DLGAP2: variants seen among roughly 807,000 people sequenced by gnomAD.
DLGAP2 encodes the protein DLG associated protein 2.
A neutral mutation model predicts 100.3 loss-of-function variants in DLGAP2; 26 were observed. That is an observed-to-expected ratio of 0.26 (90% CI 0.19 to 0.36). DLGAP2 has a LOEUF of 0.36. Ranked by LOEUF, DLGAP2 falls within the 10% of genes least tolerant of loss-of-function variation. The pLI, the probability that DLGAP2 is intolerant of heterozygous loss-of-function variation, is 1.00. For synonymous variants in DLGAP2, 886 were observed against 630.1 expected (o/e 1.41, Z -6.08); for missense variants, 1,858 against 1,453.2 (o/e 1.28, Z -4.53).
At chr8:895,458 GCCCGTCCCCCCTT>G (rs1441794354) in intron 1 of DLGAP2, among the ~76,000 whole-genome samples, 1 of 152,158 alleles carries the variant, frequency 6.6e-6, no homozygotes, top group Non-Finnish European at 1.5e-5. Flanking sequence ...TCTGGACGCT[GCCCGTCCCCCCTT>G]CTGAGACCAC....
chr8:1,082,112 T>G (rs1803830933), intron 2 of DLGAP2, among the ~76,000 whole-genome samples: 1 of 152,100 alleles, frequency 6.6e-6, no homozygotes, highest in South Asian at 2.1e-4. Context: ...TCTTCCTCTG[T>G]TTTGAGGCTG....
At chr8:1,298,898 C>CG (rs1800260024) in intron 3 of DLGAP2, among the ~76,000 whole-genome samples, 2 of 152,004 alleles carry the variant, frequency 1.3e-5, no homozygotes, top group African/African-American at 2.4e-5. Context: ...GAGGCAGGAA[C>CG]GGGGGGAGAA....
chr8:1,576,512 C>A (rs568622829), intron 6 of DLGAP2, among the ~76,000 whole-genome samples: 1 of 152,246 alleles, frequency 6.6e-6, no homozygotes, highest in South Asian at 2.1e-4. Context: ...GTTGCCATTG[C>A]TTTTGGTGTT....
Position 1,009,422 on chromosome 8 carries a change from G to T in DLGAP2, c.73+101456G>T, listed in dbSNP as rs535396770. 2.6e-5 allele frequency among the ~76,000 whole-genome samples: 4 copies of T among 152,264 alleles called. No individual in the cohort carries two copies. The South Asian group carries it at 8.3e-4, about 32-fold the overall frequency. On this transcript the variant is annotated intron_variant, in intron 2 of 14. Coordinates refer to ENST00000637795, the MANE Select transcript of DLGAP2 (RefSeq NM_001346810.2). The stretch of plus-strand genomic sequence containing the variant: ...TTTGGAAGGAGATTCTAAATATTGA[G>T]AATTAGATTGTTATTCAGAGTTAAT...
At chr8:1,680,834 G>C (rs371512944) in intron 12 of DLGAP2, 1 of 152,178 alleles carries the variant, frequency 6.6e-6, no homozygotes, top group South Asian at 2.1e-4. Context: ...TTAGCACAAA[G>C]ATAAAACACA....
At chr8:1,526,714 G>A (rs1487832716) in intron 4 of DLGAP2, among the ~76,000 whole-genome samples, 1 of 152,186 alleles carries the variant, frequency 6.6e-6, no homozygotes, top group African/African-American at 2.4e-5. Flanking sequence ...CAGGTATCCA[G>A]CCACTAACTC....
intron 3 of DLGAP2, among the ~76,000 whole-genome samples, chr8:1,490,161 A>T (rs1251420968): frequency 2.0e-5 from 3 of 152,156 alleles, no homozygotes; most frequent in Admixed American, 1.3e-4. Context: ...AAGTGCTGAG[A>T]TTACAGGCAT....
In DLGAP2 at chr8:1,139,240, C is replaced by T. The variant is rs150056848; in HGVS notation, c.74-119611C>T. Among the ~76,000 whole-genome samples the T allele has an allele frequency of 3.4e-3, 511 of 152,330 alleles. 1 individual carries two copies. Among genetic ancestry groups the T allele is most frequent in the Non-Finnish European group, 4.1e-3 (277 of 68,028 alleles). Reference sequence around the variant, plus strand: ...CTCCCAGCCACCAATGGCTGCCCCTCGTTGCCCCTGTGTTCTCTGCCAACA... The same window carrying T: ...CTCCCAGCCACCAATGGCTGCCCCTTGTTGCCCCTGTGTTCTCTGCCAACA... On this transcript the variant is annotated intron_variant, in intron 2 of 14. Coordinates refer to ENST00000637795, the MANE Select transcript of DLGAP2 (RefSeq NM_001346810.2).
intron 2 of DLGAP2, among the ~76,000 whole-genome samples, chr8:1,200,765 T>A (rs774741486): frequency 4.0e-5 from 6 of 151,502 alleles, no homozygotes; most frequent in Non-Finnish European, 7.3e-5. Flanking sequence ...ATAACACGGG[T>A]TCCTGACTTG....
At chr8:899,665 A>T (rs1326769263) in intron 1 of DLGAP2, among the ~76,000 whole-genome samples, 1 of 152,196 alleles carries the variant, frequency 6.6e-6, no homozygotes, top group Non-Finnish European at 1.5e-5. Flanking sequence ...TATACATCTC[A>T]TCTCATAGCT....
In DLGAP2 at chr8:1,691,568, C is replaced by A; in HGVS notation, c.2738C>A (p.Ala913Asp). 6.2e-7 allele frequency: 1 copy of A among 1,614,024 alleles called. No individual in the cohort carries two copies. The highest frequency in any genetic ancestry group is 8.5e-7 in the Non-Finnish European group (1 of 1,179,972). Residue 913 changes from alanine to aspartate, a missense_variant, in exon 13 of 15, where the codon GCC (alanine) becomes GAC (aspartate). Physicochemically the swap from Ala to Asp is moderately radical, Grantham distance 126 (BLOSUM62 -2). Coordinates refer to ENST00000637795, the MANE Select transcript of DLGAP2 (RefSeq NM_001346810.2). ...LGKIRSAVGS[A>D]QLLMSQKFQQ... ...AAAATCAGGAGTGCTGTTGGGAGTG[C>A]CCAGCTTCTCATGTCCCAGAAATTC...
chr8:1,098,130 A>T (rs1350054274), intron 2 of DLGAP2, among the ~76,000 whole-genome samples: 1 of 152,216 alleles, frequency 6.6e-6, no homozygotes, highest in African/African-American at 2.4e-5. Context: ...GCGCCACTGG[A>T]CACACGTCCC....
intron 2 of DLGAP2, among the ~76,000 whole-genome samples, chr8:1,125,698 A>C (rs1283302449): frequency 6.6e-6 from 1 of 152,222 alleles, no homozygotes; most frequent in East Asian, 1.9e-4. Context: ...GCTTTGATTT[A>C]TTTGTGCATT....
At chr8:1,167,160 A>G (rs1797032879) in intron 2 of DLGAP2, among the ~76,000 whole-genome samples, 1 of 152,102 alleles carries the variant, frequency 6.6e-6, no homozygotes, top group South Asian at 2.1e-4. Flanking sequence ...GAAAAAAACA[A>G]TTTGTAAAAG....
rs1353063801 is a variant in DLGAP2, at chr8:1,549,205, A to G, written c.752A>G (p.Lys251Arg). 4 of 1,602,092 alleles carry G rather than the reference A, an allele frequency of 2.5e-6. No individual in the cohort carries two copies. The highest frequency in any genetic ancestry group is 2.7e-5 in the African/African-American group (2 of 74,718). The change falls in exon 5 of 15, where the codon AAA becomes AGA. Residue 251 changes from lysine (K) to arginine (R), a missense_variant. Lys to Arg is a conservative substitution (Grantham distance 26, BLOSUM62 2). Transcript: ENST00000637795. ...TKSHSLEGSS[K>R]SNANGTKADG... ...TCGCACTCGCTGGAGGGCTCCTCCA[A>G]AAGCAACGCCAACGGCACCAAGGCG...
intron 5 of DLGAP2, among the ~76,000 whole-genome samples, chr8:1,557,060 TG>T (rs1468681440): frequency 6.6e-6 from 1 of 152,104 alleles, no homozygotes; most frequent in Non-Finnish European, 1.5e-5. Context: ...GAGACGCTTG[TG>T]GGGTACGTCT....
intron 1 of DLGAP2, among the ~76,000 whole-genome samples, chr8:774,211 T>C (rs1178912310): frequency 1.3e-5 from 2 of 152,204 alleles, no homozygotes; most frequent in Non-Finnish European, 2.9e-5. Context: ...TTTTTTCTTG[T>C]AAATTTGTTT....
intron 3 of DLGAP2, among the ~76,000 whole-genome samples, chr8:1,319,242 G>T (rs1205492118): frequency 6.6e-6 from 1 of 152,300 alleles, no homozygotes; most frequent in South Asian, 2.1e-4. Flanking sequence ...TAAGTTCTCA[G>T]CTAAGCTCTC....
chr8:964,445 C>T (rs1362705453), intron 2 of DLGAP2, among the ~76,000 whole-genome samples: 1 of 152,224 alleles, frequency 6.6e-6, no homozygotes, highest in African/African-American at 2.4e-5. Context: ...CGCAGAGGAC[C>T]CAGCCTTTTA....
Sources: allele counts gnomAD v4.1 joint callset (sites outside exome capture counted in the v4.1 genomes callset), GRCh38; gene constraint gnomAD v4.1.1; transcripts MANE v1.5; gene names NCBI Gene and HGNC (gene_info 2026-07-23, HGNC 2026-07-21).